The following RORA variants were observed in gnomAD, a reference collection of about 807,000 sequenced individuals.
RORA encodes the protein RAR related orphan receptor A, also known as nuclear receptor ROR-alpha.
RORA carries 7 observed loss-of-function variants against 69.5 expected under a neutral mutation model. That is an observed-to-expected ratio of 0.10 (90% CI 0.06 to 0.19). The LOEUF is 0.19. RORA is among the 10% of genes least tolerant of loss of function. The pLI, the probability that RORA is intolerant of heterozygous loss-of-function variation, is 1.00. For synonymous variants in RORA, 261 were observed against 240.8 expected, an observed-to-expected ratio of 1.08 and a Z score of -0.78; for missense variants, 457 against 663.0, an observed-to-expected ratio of 0.69 and a Z score of 3.41.
chr15:60,559,748 C>G (rs2067477415), intron 2 of RORA, among the ~76,000 whole-genome samples: 1 of 152,182 alleles, frequency 6.6e-6, no homozygotes, highest in South Asian at 2.1e-4. Context: ...ATAATTATCA[C>G]AAGTACATTC....
chr15:60,932,914 T>G (rs1451998089), intron 1 of RORA, among the ~76,000 whole-genome samples: 1 of 152,194 alleles, frequency 6.6e-6, no homozygotes, highest in Non-Finnish European at 1.5e-5. Flanking sequence ...GGCTCTCTCT[T>G]GCCCCCTCAA....
chr15:60,612,960 C>A (rs1315684156), intron 2 of RORA, among the ~76,000 whole-genome samples: 2 of 151,588 alleles, frequency 1.3e-5, no homozygotes. Context: ...ATTTTCTAGG[C>A]ATTTCCTAGA....
chr15:60,521,705 T>G (rs944039035), intron 3 of RORA, among the ~76,000 whole-genome samples: 2 of 152,206 alleles, frequency 1.3e-5, no homozygotes, highest in African/African-American at 4.8e-5. Flanking sequence ...TGGGACTCAA[T>G]CTCTTGTCCT....
At position 61,160,372 on chromosome 15, in the gene RORA, T is replaced by A. The variant is rs541247187; in HGVS notation, c.166+68681A>T. 2.0e-4 allele frequency among the ~76,000 whole-genome samples: 30 copies of A among 152,354 alleles called. No individual in the cohort carries two copies. The South Asian group carries it at 6.2e-3, about 32-fold the overall frequency. On this transcript the variant is annotated intron_variant, in intron 1 of 10. Transcript: ENST00000335670. ...GATAACTTTTTTATAATTTACAAGTTCATGTTACATTACACATTTTCACAG... is the reference window on the plus strand; with the variant it reads ...GATAACTTTTTTATAATTTACAAGTACATGTTACATTACACATTTTCACAG...
At chr15:60,748,959 G>A (rs142650757) in intron 1 of RORA, among the ~76,000 whole-genome samples, 41 of 152,308 alleles carry the variant, frequency 2.7e-4, no homozygotes, top group African/African-American at 9.6e-4. Context: ...ATAAGTGATT[G>A]TCAATATTTT....
At chr15:61,037,366 A>G (rs1896508715) in intron 1 of RORA, among the ~76,000 whole-genome samples, 1 of 152,220 alleles carries the variant, frequency 6.6e-6, no homozygotes, top group African/African-American at 2.4e-5. Context: ...TAAGCATAAA[A>G]TAGAATCCTT....
chr15:61,192,854 G>T (rs866805232), intron 1 of RORA, among the ~76,000 whole-genome samples: 5 of 152,156 alleles, frequency 3.3e-5, no homozygotes, highest in Admixed American at 1.3e-4. Context: ...CTGTGAAACG[G>T]AGCTAACACT....
At chr15:60,828,572 G>A (rs946502748) in intron 1 of RORA, among the ~76,000 whole-genome samples, 31 of 152,294 alleles carry the variant, frequency 2.0e-4, no homozygotes, top group African/African-American at 7.0e-4. Context: ...CCACACAGGG[G>A]AGAGTGCACC....
chr15:60,576,301 T>C (rs1482817585), intron 2 of RORA, among the ~76,000 whole-genome samples: 3 of 152,170 alleles, frequency 2.0e-5, no homozygotes, highest in Admixed American at 1.3e-4. Flanking sequence ...ACTTCTCTCT[T>C]AGTTATAACA....
chr15:60,609,494 T>A (rs1299329556), intron 2 of RORA, among the ~76,000 whole-genome samples: 1 of 152,160 alleles, frequency 6.6e-6, no homozygotes, highest in East Asian at 1.9e-4. Context: ...AATGTTCTGA[T>A]CATTTGTCAC....
intron 1 of RORA, among the ~76,000 whole-genome samples, chr15:61,020,152 G>A (rs1363440762): frequency 3.3e-5 from 5 of 152,140 alleles, no homozygotes; most frequent in Non-Finnish European, 5.9e-5. Flanking sequence ...GCCACTGTCC[G>A]AATTTTGCAA....
chr15:60,917,072 A>G (rs1021708049), intron 1 of RORA, among the ~76,000 whole-genome samples: 1 of 152,134 alleles, frequency 6.6e-6, no homozygotes, highest in South Asian at 2.1e-4. Context: ...TCAACAGAGG[A>G]GCTGCTTCAA....
At chr15:60,513,087 T>G (rs764981507) in intron 4 of RORA, among the ~76,000 whole-genome samples, 1 of 152,198 alleles carries the variant, frequency 6.6e-6, no homozygotes, top group Non-Finnish European at 1.5e-5. Context: ...GCCCTCACAG[T>G]GGCCAGGTGG....
intron 1 of RORA, among the ~76,000 whole-genome samples, chr15:61,121,213 A>G (rs1273252785): frequency 6.6e-6 from 1 of 152,066 alleles, no homozygotes; most frequent in Non-Finnish European, 1.5e-5. Flanking sequence ...TAGCAATACT[A>G]TTTTACAGAT....
At chr15:60,731,324 A>G (rs1321227397) in intron 1 of RORA, among the ~76,000 whole-genome samples, 1 of 152,216 alleles carries the variant, frequency 6.6e-6, no homozygotes, top group East Asian at 1.9e-4. Context: ...CTCTTTAAAC[A>G]TGCATATGTG....
chr15:60,707,512 C>T (rs1358046528), intron 1 of RORA, among the ~76,000 whole-genome samples: 4 of 151,784 alleles, frequency 2.6e-5, no homozygotes, highest in Admixed American at 1.3e-4. Flanking sequence ...TACAGGTGCC[C>T]GCCACCACGC....
At chr15:60,879,164 A>T (rs1284053601) in intron 1 of RORA, among the ~76,000 whole-genome samples, 3 of 152,220 alleles carry the variant, frequency 2.0e-5, no homozygotes. Flanking sequence ...CACTAGCAGC[A>T]GCAAAGAATG....
intron 2 of RORA, among the ~76,000 whole-genome samples, chr15:60,633,471 C>G (rs1207455363): frequency 6.6e-6 from 1 of 152,150 alleles, no homozygotes; most frequent in African/African-American, 2.4e-5. Context: ...CTTTTCTTCC[C>G]TATCTCTATA....
chr15:61,072,932 G>A (rs2078388160), intron 1 of RORA, among the ~76,000 whole-genome samples: 2 of 152,240 alleles, frequency 1.3e-5, no homozygotes, highest in South Asian at 4.1e-4. Flanking sequence ...CAAAATCAGT[G>A]TTTGCATTCC....
Sources: allele counts gnomAD v4.1 joint callset (sites outside exome capture counted in the v4.1 genomes callset), GRCh38; gene constraint gnomAD v4.1.1; transcripts MANE v1.5; gene names NCBI Gene and HGNC (gene_info 2026-07-23, HGNC 2026-07-21).